Variants in IQSEC1 observed in about 807,000 individuals in gnomAD.
IQSEC1 encodes the protein IQ motif and SEC7 domain-containing protein 1.
In IQSEC1, 31 loss-of-function variants were observed where a neutral mutation model predicts 91.0. The observed-to-expected ratio is 0.34, with a 90% CI of 0.26 to 0.46. The LOEUF (loss-of-function observed/expected upper bound fraction) is 0.46. Among genes scored for constraint, IQSEC1 ranks in the 20% least tolerant of loss-of-function variants. The probability of loss-of-function intolerance (pLI) is 1.00; values close to 1 mark genes in which losing one functional copy is unlikely to be tolerated. For missense variants in IQSEC1, 1,388 were observed against 1,575.6 expected (o/e 0.88, Z 2.02); for synonymous variants, 699 against 662.6 (o/e 1.05, Z -0.84).
chr3:12,916,070 G>T (rs1031580052), intron 6 of IQSEC1, among the ~76,000 whole-genome samples: 1 of 152,166 alleles, frequency 6.6e-6, no homozygotes, highest in Non-Finnish European at 1.5e-5. Context: ...TCCACAGATG[G>T]GAAGACTGAG....
intron 2 of IQSEC1, among the ~76,000 whole-genome samples, chr3:13,149,809 TG>T (rs1156678961): frequency 6.6e-6 from 1 of 152,202 alleles, no homozygotes; most frequent in Non-Finnish European, 1.5e-5. Flanking sequence ...CCTGCCTTGG[TG>T]CAGATACCAC....
At chr3:12,903,159 C>T (rs2125011742) in intron 12 of IQSEC1, among the ~76,000 whole-genome samples, 1 of 152,344 alleles carries the variant, frequency 6.6e-6, no homozygotes, top group East Asian at 1.9e-4. Flanking sequence ...GGCCTGACGC[C>T]CCCAACTTGT....
chr3:13,174,586 C>A (rs1325837245), intron 1 of IQSEC1, among the ~76,000 whole-genome samples: 2 of 152,168 alleles, frequency 1.3e-5, no homozygotes, highest in Non-Finnish European at 2.9e-5. Context: ...GCCTGAGGCA[C>A]CCCTTCCAGA....
chr3:13,044,677 C>T lies in IQSEC1; in HGVS notation c.23+28315G>A, dbSNP rs144195112. ...GGGCCAGCAGCCCTGAAGTGCTGCC[C>T]ACTCCTCCCCCGCCCCCCCACACTC... is the stretch of plus-strand genomic sequence containing the variant. On this transcript the variant is annotated intron_variant, in intron 1 of 13. Coordinates refer to ENST00000613206, the MANE Select transcript of IQSEC1 (RefSeq NM_001134382.3). 8.4e-4 allele frequency among the ~76,000 whole-genome samples: 128 copies of T among 152,338 alleles called. 1 individual carries two copies. Among genetic ancestry groups the T allele is most frequent in the African/African-American group, 2.7e-3 (113 of 41,580 alleles).
intron 1 of IQSEC1, among the ~76,000 whole-genome samples, chr3:12,999,999 C>G (rs1045983671): frequency 1.3e-5 from 2 of 152,236 alleles, no homozygotes; most frequent in East Asian, 3.8e-4. Flanking sequence ...TTAGCTCTAT[C>G]TTCAACTATG....
intron 2 of IQSEC1, among the ~76,000 whole-genome samples, chr3:13,135,393 T>A (rs1193810794): frequency 6.6e-6 from 1 of 152,216 alleles, no homozygotes; most frequent in Non-Finnish European, 1.5e-5. Context: ...GCCAGAAGGC[T>A]GGAGCCAGTG....
At chr3:13,191,600 G>T (rs1417268351) in intron 1 of IQSEC1, among the ~76,000 whole-genome samples, 3 of 149,196 alleles carry the variant, frequency 2.0e-5, no homozygotes, top group Non-Finnish European at 4.4e-5. Flanking sequence ...GCCTCTCAAA[G>T]TGCTGGGATT....
chr3:13,072,326 C>A (rs1705459480), intron 1 of IQSEC1, among the ~76,000 whole-genome samples: 1 of 152,242 alleles, frequency 6.6e-6, no homozygotes, highest in African/African-American at 2.4e-5. Flanking sequence ...GGCATTCGAA[C>A]CCCACTGCCC....
chr3:12,990,879 C>A (rs1701956004), intron 1 of IQSEC1, among the ~76,000 whole-genome samples: 1 of 152,134 alleles, frequency 6.6e-6, no homozygotes, highest in Admixed American at 6.5e-5. Flanking sequence ...TGTGAAAGCC[C>A]CTGTGATCAG....
intron 2 of IQSEC1, among the ~76,000 whole-genome samples, chr3:13,092,010 T>C (rs4571228): frequency 0.54 from 82,137 of 151,746 alleles, 22,519 homozygotes; most frequent in African/African-American, 0.63. Context: ...CCCAGGCAGT[T>C]CTAAGGGCCT....
chr3:13,227,795 G>A (rs558534722), intron 1 of IQSEC1, among the ~76,000 whole-genome samples: 1 of 152,192 alleles, frequency 6.6e-6, no homozygotes, highest in East Asian at 1.9e-4. Context: ...GGGACTTTCC[G>A]GGAGGCATCT....
At chr3:13,245,318 G>A (rs1315862837) in intron 1 of IQSEC1, among the ~76,000 whole-genome samples, 1 of 152,212 alleles carries the variant, frequency 6.6e-6, no homozygotes, top group Non-Finnish European at 1.5e-5. Flanking sequence ...AAGGAAGAGA[G>A]CAGAACTTCC....
At position 13,048,327 on chromosome 3, in the gene IQSEC1, G is replaced by A. The variant is rs577255519; in HGVS notation, c.23+24665C>T. Among the ~76,000 whole-genome samples, 129 of 152,316 alleles carry A rather than the reference G, an allele frequency of 8.5e-4. 1 individual carries two copies. Among genetic ancestry groups the A allele is most frequent in the African/African-American group, 3.0e-3 (125 of 41,568 alleles). On this transcript the variant is annotated intron_variant, in intron 1 of 13. Coordinates refer to ENST00000613206, the MANE Select transcript of IQSEC1 (RefSeq NM_001134382.3). ...GTGATGCTTTCCTGGAGGCTGGGGG[G>A]CCCCATCCCCACAACACTGCCTGTA...
chr3:13,135,772 G>A (rs969887044), intron 2 of IQSEC1, among the ~76,000 whole-genome samples: 3 of 152,298 alleles, frequency 2.0e-5, no homozygotes, highest in Non-Finnish European at 2.9e-5. Flanking sequence ...TAGGAGGAAC[G>A]GGTTACAGGG....
At chr3:13,221,025 C>A (rs1245086553) in intron 1 of IQSEC1, among the ~76,000 whole-genome samples, 1 of 152,210 alleles carries the variant, frequency 6.6e-6, no homozygotes, top group Non-Finnish European at 1.5e-5. Flanking sequence ...AGAAAGGCAG[C>A]GACTGAGGCT....
intron 12 of IQSEC1, among the ~76,000 whole-genome samples, 179 bp from the exon 13 acceptor site, chr3:12,903,001 G>A (rs973215671): frequency 6.6e-6 from 1 of 152,196 alleles, no homozygotes; most frequent in Admixed American, 6.5e-5. Flanking sequence ...CAGTGGGGAA[G>A]CCAGCAGCAG....
chr3:13,012,420 C>T (rs958389563), intron 1 of IQSEC1, among the ~76,000 whole-genome samples: 1 of 152,330 alleles, frequency 6.6e-6, no homozygotes, highest in Admixed American at 6.5e-5. Context: ...TGGGCTCCCA[C>T]AGGCCTCAGA....
chr3:12,938,631 G>A (rs539649173), intron 2 of IQSEC1, among the ~76,000 whole-genome samples: 3 of 152,248 alleles, frequency 2.0e-5, no homozygotes, highest in Non-Finnish European at 4.4e-5. Flanking sequence ...AGCTTAGAAA[G>A]CCCCTGGGGC....
intron 1 of IQSEC1, among the ~76,000 whole-genome samples, chr3:12,986,422 C>G (rs1576117258): frequency 1.3e-5 from 2 of 152,374 alleles, no homozygotes; most frequent in East Asian, 1.9e-4. Context: ...TACTGAGATG[C>G]AGGTGGCCAT....
Sources: allele counts gnomAD v4.1 joint callset (sites outside exome capture counted in the v4.1 genomes callset), GRCh38; gene constraint gnomAD v4.1.1; transcripts MANE v1.5; gene names NCBI Gene and HGNC (gene_info 2026-07-23, HGNC 2026-07-21).